Variants in ATP8B1 observed in about 807,000 individuals in gnomAD.
The protein encoded by ATP8B1 is ATPase phospholipid transporting 8B1.
Under a neutral mutation model 149.9 loss-of-function variants are expected in ATP8B1, and 80 were observed. The ratio of observed to expected loss-of-function variants is 0.53; its 90% CI spans 0.45 to 0.64. The LOEUF is 0.64. Among genes scored for constraint, ATP8B1 ranks in the 30% least tolerant of loss-of-function variants. The probability of loss-of-function intolerance (pLI) is 0.00; values close to 1 mark genes in which losing one functional copy is unlikely to be tolerated. For synonymous variants in ATP8B1, 536 were observed against 562.8 expected (o/e 0.95, Z 0.67); for missense variants, 1,247 against 1,552.6 (o/e 0.80, Z 3.31).
chr18:57,650,296 G>A, intron 27 of ATP8B1, 71 bp downstream of exon 27: 1 of 1,577,298 alleles, frequency 6.3e-7, no homozygotes, highest in Non-Finnish European at 8.7e-7. Flanking sequence ...AATTTTGCAG[G>A]AAACGTGCTG....
chr18:57,773,947 G>A (rs1355871897), intron 1 of ATP8B1, among the ~76,000 whole-genome samples: 4 of 152,152 alleles, frequency 2.6e-5, no homozygotes, highest in African/African-American at 9.7e-5. Flanking sequence ...CAACATGGAG[G>A]GCAGGCTGAT....
At chr18:57,797,593 G>C (rs936631979) in intron 1 of ATP8B1, among the ~76,000 whole-genome samples, 2 of 151,988 alleles carry the variant, frequency 1.3e-5, no homozygotes, top group Admixed American at 6.5e-5. Context: ...TCTTCAGAGT[G>C]GAAGTGGCCT....
At chr18:57,694,955 A>G (rs1160422015) in intron 10 of ATP8B1, among the ~76,000 whole-genome samples, 7 of 143,680 alleles carry the variant, frequency 4.9e-5, no homozygotes, top group African/African-American at 1.8e-4. Flanking sequence ...ACTTGAACCC[A>G]GGAGACAGAG....
At chr18:57,788,969 A>T (rs910948793) in intron 1 of ATP8B1, among the ~76,000 whole-genome samples, 1 of 152,120 alleles carries the variant, frequency 6.6e-6, no homozygotes, top group Non-Finnish European at 1.5e-5. Context: ...CCCCAAATAA[A>T]ACAAAATGCT....
intron 2 of ATP8B1, among the ~76,000 whole-genome samples, chr18:57,715,229 G>T (rs987672902): frequency 1.3e-5 from 2 of 152,096 alleles, no homozygotes; most frequent in Non-Finnish European, 2.9e-5. Context: ...ACATACTGAA[G>T]AATGCATCAG....
At chr18:57,671,624 TTA>T in intron 16 of ATP8B1, 44 bp from the exon 17 acceptor site, 16 of 1,348,574 alleles carry the variant, frequency 1.2e-5, no homozygotes, top group Admixed American at 1.7e-5. Context: ...GTTTGATTTT[TTA>T]TATATATATT....
intron 22 of ATP8B1, among the ~76,000 whole-genome samples, chr18:57,656,599 A>G (rs1328232632): frequency 6.6e-6 from 1 of 151,148 alleles, no homozygotes; most frequent in African/African-American, 2.4e-5. Context: ...CAGGCCTTGA[A>G]CTCCTGAACT....
rs1450963091 is a variant in ATP8B1, at chr18:57,802,879, C to G, written c.-26+119G>C. 3 of 152,424 alleles carry G rather than the reference C, an allele frequency of 2.0e-5. No homozygotes were observed. The highest frequency in any genetic ancestry group is 7.2e-5 in the African/African-American group (3 of 41,478). 9.4% of individuals were successfully genotyped at this position (152,424 alleles called of 1,614,324 possible). A position where few individuals can be genotyped will look rare whatever the true frequency, so the allele number is the denominator to read the frequency against. Reference sequence around the variant, plus strand: ...GGGAGTCCGAGGGCGCTGACAGCTGCTGCCGCCGCATCCCGGATCTCCAAA... The same window carrying G: ...GGGAGTCCGAGGGCGCTGACAGCTGGTGCCGCCGCATCCCGGATCTCCAAA... On this transcript the variant is annotated intron_variant, in intron 1 of 27. Transcript: ENST00000648908. This position sits in a 1 kb window ranked among gnomAD's most constrained non-coding sequence, Gnocchi z 4.9.
chr18:57,697,703 A>ACACACAAAT lies in ATP8B1; in HGVS notation c.628-24_628-16dup, dbSNP rs1240400734. ...AGAATGTCAGCCTGTCCAAAACAAA[A>ACACACAAAT]CACACAAATAACACCGAGACCCTGA... On this transcript the variant is annotated splice_polypyrimidine_tract_variant and intron_variant, in intron 7 of 27. Transcript: ENST00000648908. The ACACACAAAT allele has an allele frequency of 6.2e-7, 1 of 1,613,962 alleles. No individual in the cohort carries two copies. Among genetic ancestry groups the ACACACAAAT allele is most frequent in the Non-Finnish European group, 8.5e-7 (1 of 1,179,978 alleles).
intron 1 of ATP8B1, among the ~76,000 whole-genome samples, chr18:57,756,305 A>ATATATACATATATATATATATATATATG (rs1555653790): frequency 1.0e-4 from 11 of 106,118 alleles, no homozygotes; most frequent in African/African-American, 3.8e-4. Flanking sequence ...GTGTATGTAT[A>ATATATACATATATATATATATATATATG]TATATATATA....
chr18:57,677,123 G>C (rs889624508), intron 15 of ATP8B1, among the ~76,000 whole-genome samples: 3 of 152,220 alleles, frequency 2.0e-5, no homozygotes, highest in African/African-American at 7.2e-5. Context: ...AACTGACAGA[G>C]CTAACCTGTG....
intron 2 of ATP8B1, among the ~76,000 whole-genome samples, chr18:57,716,422 A>G (rs2079583521): frequency 6.6e-6 from 1 of 152,158 alleles, no homozygotes; most frequent in Admixed American, 6.5e-5. Flanking sequence ...AGATTTAAAA[A>G]AAAAAAAGAC....
chr18:57,664,897 G>A (rs1910758728), intron 20 of ATP8B1, among the ~76,000 whole-genome samples: 4 of 152,146 alleles, frequency 2.6e-5, no homozygotes, highest in Admixed American at 2.6e-4. Context: ...CATACAAAAA[G>A]CCATTGTTCT....
At chr18:57,692,785 AAGGT>A (rs1912608066) in intron 11 of ATP8B1, among the ~76,000 whole-genome samples, 1 of 152,122 alleles carries the variant, frequency 6.6e-6, no homozygotes, top group Non-Finnish European at 1.5e-5. Flanking sequence ...ATTATTCCTT[AAGGT>A]GTAATGTCAT....
rs1311176107 is a variant in ATP8B1, at chr18:57,668,173, T to G, written c.2209+256A>C. On this transcript the variant is annotated intron_variant, in intron 19 of 27. Transcript: ENST00000648908. ...GGGAACCCACGTCTGGCTGGAGAGATAAGACCAATTATAATCAGCAAGACA... is the reference window on the plus strand; with the variant it reads ...GGGAACCCACGTCTGGCTGGAGAGAGAAGACCAATTATAATCAGCAAGACA... 4.3e-6 allele frequency: 6 copies of G among 1,409,528 alleles called. No homozygotes were observed. In the South Asian group the frequency reaches 5.0e-5, roughly 12 times the overall value. The allele number at this position is 1,409,528 out of a possible 1,614,324, so 87.3% of individuals were successfully genotyped here. A position where few individuals can be genotyped will look rare whatever the true frequency, so the allele number is the denominator to read the frequency against.
intron 1 of ATP8B1, among the ~76,000 whole-genome samples, chr18:57,764,937 T>C (rs1014282655): frequency 1.3e-5 from 2 of 152,064 alleles, no homozygotes; most frequent in Non-Finnish European, 2.9e-5. Flanking sequence ...CACTTCTGGG[T>C]ATATACCCAA....
intron 1 of ATP8B1, among the ~76,000 whole-genome samples, chr18:57,801,272 T>A (rs1470371642): frequency 6.6e-6 from 1 of 152,166 alleles, no homozygotes; most frequent in Non-Finnish European, 1.5e-5. Context: ...ATACAGCCAC[T>A]GGAAAACGAC....
intron 1 of ATP8B1, among the ~76,000 whole-genome samples, chr18:57,791,730 C>T (rs1446471488): frequency 1.3e-5 from 2 of 152,144 alleles, no homozygotes; most frequent in Non-Finnish European, 2.9e-5. Flanking sequence ...TCGGTGGATG[C>T]CTGGGTTACT....
chr18:57,674,083 A>G (rs1911427642), intron 16 of ATP8B1, among the ~76,000 whole-genome samples: 1 of 151,934 alleles, frequency 6.6e-6, no homozygotes, highest in Non-Finnish European at 1.5e-5. Context: ...CCCCAGATTC[A>G]GCATCTGGCA....
Sources: allele counts gnomAD v4.1 joint callset (sites outside exome capture counted in the v4.1 genomes callset), GRCh38; gene constraint gnomAD v4.1.1; non-coding constraint Gnocchi (gnomAD v3.1); transcripts MANE v1.5; gene names NCBI Gene and HGNC (gene_info 2026-07-23, HGNC 2026-07-21).